Variants in AKAP6 observed in about 807,000 individuals in gnomAD.
AKAP6 encodes the protein A-kinase anchor protein 6.
AKAP6 carries 58 observed loss-of-function variants against 188.5 expected under a neutral mutation model. The observed-to-expected ratio is 0.31, with a 90% confidence interval of 0.25 to 0.38. AKAP6 has a LOEUF of 0.38. Ranked by LOEUF, AKAP6 falls within the 10% of genes least tolerant of loss-of-function variation. The pLI, the probability that AKAP6 is intolerant of heterozygous loss-of-function variation, is 1.00. For synonymous variants in AKAP6, 989 were observed against 998.6 expected (o/e 0.99, Z 0.18); for missense variants, 2,710 against 2,740.0 (o/e 0.99, Z 0.24).
chr14:32,769,268 G>C (rs1035270936), intron 11 of AKAP6, among the ~76,000 whole-genome samples: 3 of 151,502 alleles, frequency 2.0e-5, no homozygotes, highest in African/African-American at 7.3e-5. Flanking sequence ...GGCTGGTCTT[G>C]AACTCCTGAC....
At chr14:32,561,369 C>T (rs1020801908) in intron 4 of AKAP6, among the ~76,000 whole-genome samples, 3 of 151,996 alleles carry the variant, frequency 2.0e-5, no homozygotes, top group South Asian at 2.1e-4. Context: ...AATGTAACCT[C>T]GCAAGCCTCA....
In AKAP6 at chr14:32,706,118, C is replaced by G. The variant is rs528616258; in HGVS notation, c.3000+10008C>G. On this transcript the variant is annotated intron_variant, in intron 9 of 13. Coordinates refer to ENST00000280979, the MANE Select transcript of AKAP6 (RefSeq NM_004274.5). ...AAGTAAGTTGGGATTTGAACCCAAT[C>G]TGGGTGGCTCCAATGCTCATGGTCT... Among the ~76,000 whole-genome samples the G allele has an allele frequency of 5.9e-5, 9 of 152,284 alleles. No homozygotes were observed. The South Asian group carries it at 1.7e-3, about 28-fold the overall frequency.
chr14:32,764,898 A>G (rs186564273), intron 11 of AKAP6, among the ~76,000 whole-genome samples: 9 of 151,900 alleles, frequency 5.9e-5, no homozygotes, highest in Non-Finnish European at 1.2e-4. Context: ...ATAAGTCCCA[A>G]TGATTATAGG....
chr14:32,363,876 G>A (rs900060689), intron 1 of AKAP6, among the ~76,000 whole-genome samples: 6 of 152,194 alleles, frequency 3.9e-5, no homozygotes, highest in Admixed American at 6.5e-5. Flanking sequence ...CTAAAAAGGC[G>A]AATAGGTGGT....
At chr14:32,531,636 G>T (rs1227102680) in intron 2 of AKAP6, among the ~76,000 whole-genome samples, 1 of 152,040 alleles carries the variant, frequency 6.6e-6, no homozygotes, top group East Asian at 1.9e-4. Context: ...TATCAGTTTA[G>T]AATCATGCCC....
intron 2 of AKAP6, among the ~76,000 whole-genome samples, chr14:32,515,384 T>G (rs764213715): frequency 6.6e-5 from 10 of 152,118 alleles, no homozygotes; most frequent in Non-Finnish European, 1.5e-4. Context: ...GAGATACCTT[T>G]CAATGTACCT....
intron 2 of AKAP6, among the ~76,000 whole-genome samples, chr14:32,482,989 G>GTGTATA (rs1244849056): frequency 1.2e-5 from 1 of 84,374 alleles, no homozygotes; most frequent in Admixed American, 1.3e-4. Flanking sequence ...GTGTGTGTGT[G>GTGTATA]TATATATATA....
chr14:32,697,292 C>A (rs543947108), intron 9 of AKAP6, among the ~76,000 whole-genome samples: 3 of 152,278 alleles, frequency 2.0e-5, no homozygotes, highest in African/African-American at 7.2e-5. Context: ...AGGGACCCAG[C>A]AAATGGGGAC....
At chr14:32,618,940 T>C (rs527387711) in intron 7 of AKAP6, among the ~76,000 whole-genome samples, 1 of 152,328 alleles carries the variant, frequency 6.6e-6, no homozygotes, top group Non-Finnish European at 1.5e-5. Context: ...ATCAGTGATT[T>C]TAAGCATTTT....
rs965827163 is a variant in AKAP6, at chr14:32,819,397, C to T, written c.3589-2005C>T. 4.7e-4 allele frequency among the ~76,000 whole-genome samples: 71 copies of T among 152,250 alleles called. 1 individual carries two copies. The highest frequency in any genetic ancestry group is 3.7e-3 in the Admixed American group (56 of 15,280). ...AAGTTTGCTAACATGCTGCAGGTGA[C>T]GCTTTTTCCCCACTACTGAGGAATA... is the stretch of plus-strand genomic sequence containing the variant. On this transcript the variant is annotated intron_variant, in intron 12 of 13. Transcript: ENST00000280979.
At chr14:32,657,959 G>T (rs770093182) in intron 7 of AKAP6, among the ~76,000 whole-genome samples, 11 of 152,078 alleles carry the variant, frequency 7.2e-5, no homozygotes, top group Non-Finnish European at 1.6e-4. Context: ...ATTGTTGGTG[G>T]TCGCACACAT....
chr14:32,796,347 T>A (rs1396797619), intron 12 of AKAP6, among the ~76,000 whole-genome samples: 1 of 152,156 alleles, frequency 6.6e-6, no homozygotes, highest in East Asian at 1.9e-4. Context: ...GGAACAAAGC[T>A]GGGGGCATCA....
At position 32,581,691 on chromosome 14, in the gene AKAP6, A is replaced by T. The variant is rs533964465; in HGVS notation, c.2469+4449A>T. On this transcript the variant is annotated intron_variant, in intron 5 of 13. Transcript: ENST00000280979. ...ATCTGGGTGCTCCTGTATTGGGTGC[A>T]TATATATTTAGGACAGTTAGCTCTT... Among the ~76,000 whole-genome samples, 138 of 152,288 alleles carry T rather than the reference A, an allele frequency of 9.1e-4. 1 individual carries two copies. The highest frequency in any genetic ancestry group is 3.4e-3 in the Middle Eastern group (1 of 292).
intron 1 of AKAP6, among the ~76,000 whole-genome samples, chr14:32,330,391 A>C (rs530368191): frequency 6.6e-6 from 1 of 152,120 alleles, no homozygotes; most frequent in Non-Finnish European, 1.5e-5. Flanking sequence ...TTATTTTCTA[A>C]AAAATTAGTC....
intron 4 of AKAP6, among the ~76,000 whole-genome samples, chr14:32,571,200 A>T (rs1230750745): frequency 1.3e-5 from 2 of 151,348 alleles, no homozygotes; most frequent in African/African-American, 4.9e-5. Context: ...AAAAGGTTCA[A>T]CAGCAGAAGC....
intron 9 of AKAP6, among the ~76,000 whole-genome samples, chr14:32,727,301 T>C (rs1385700010): frequency 6.6e-6 from 1 of 152,190 alleles, no homozygotes; most frequent in African/African-American, 2.4e-5. Flanking sequence ...ATTTTTGTTC[T>C]GTAACAGTGA....
chr14:32,362,993 A>G (rs74043732), intron 1 of AKAP6, among the ~76,000 whole-genome samples: 1 of 152,300 alleles, frequency 6.6e-6, no homozygotes, highest in African/African-American at 2.4e-5. Flanking sequence ...GATGAAAGAC[A>G]GAAAAGCATA....
chr14:32,583,063 C>T (rs1290260902), intron 5 of AKAP6, among the ~76,000 whole-genome samples: 2 of 152,244 alleles, frequency 1.3e-5, no homozygotes, highest in Admixed American at 6.5e-5. Context: ...AGGAGAGGCG[C>T]TCTGCTTTTT....
At chr14:32,359,159 T>C (rs1887575243) in intron 1 of AKAP6, among the ~76,000 whole-genome samples, 2 of 152,122 alleles carry the variant, frequency 1.3e-5, no homozygotes, top group Admixed American at 6.5e-5. Flanking sequence ...TAGGATAAAC[T>C]GAGTGTTACA....
Sources: gnomAD v4.1 joint callset for allele counts (sites outside exome capture counted in the v4.1 genomes callset) on GRCh38, gnomAD v4.1.1 for gene constraint, MANE v1.5 for transcripts, NCBI Gene and HGNC (gene_info 2026-07-23, HGNC 2026-07-21) for gene names.